The following STPG2 variants were observed in gnomAD, a reference collection of about 807,000 sequenced individuals.
STPG2 encodes sperm tail PG-rich repeat containing 2.
In STPG2, 56 loss-of-function variants were observed where a neutral mutation model predicts 54.2. That is an observed-to-expected ratio of 1.03 (90% CI 0.83 to 1.29). The LOEUF (loss-of-function observed/expected upper bound fraction) is 1.29, where lower values mean the gene tolerates loss of function less well. Among genes scored for constraint, STPG2 ranks in the 50% most tolerant of loss-of-function variants. The pLI is 0.00. For synonymous variants in STPG2, 200 were observed against 181.8 expected (o/e 1.10, Z -0.81); for missense variants, 596 against 544.9 (o/e 1.09, Z -0.93).
intron 10 of STPG2, among the ~76,000 whole-genome samples, chr4:97,566,168 C>T (rs1732433088): frequency 2.0e-5 from 3 of 152,156 alleles, no homozygotes; most frequent in African/African-American, 4.8e-5. Context: ...GCCTCGCTGC[C>T]ACCTTGCAGT....
At chr4:97,487,998 G>A (rs1203335997) in intron 4 of STPG2, among the ~76,000 whole-genome samples, 1 of 151,280 alleles carries the variant, frequency 6.6e-6, no homozygotes, top group Non-Finnish European at 1.5e-5. Flanking sequence ...TATCAAAATT[G>A]CCATTTAGAA....
intron 8 of STPG2, among the ~76,000 whole-genome samples, chr4:97,923,291 C>T (rs1161539029): frequency 6.6e-5 from 9 of 135,914 alleles, no homozygotes; most frequent in African/African-American, 2.0e-4. Flanking sequence ...GTGCGCAGCG[C>T]TTCCCCTCCC....
At chr4:98,033,382 C>A (rs569642968) in intron 5 of STPG2, among the ~76,000 whole-genome samples, 2 of 151,550 alleles carry the variant, frequency 1.3e-5, no homozygotes, top group East Asian at 3.9e-4. Context: ...CGGACACATA[C>A]AACCCCCAAG....
At chr4:97,825,938 G>A (rs1728245698) in intron 9 of STPG2, among the ~76,000 whole-genome samples, 2 of 152,148 alleles carry the variant, frequency 1.3e-5, no homozygotes, top group African/African-American at 2.4e-5. Flanking sequence ...GTATTAGTTT[G>A]CTAAATGCTT....
intron 4 of STPG2, among the ~76,000 whole-genome samples, chr4:97,471,612 T>G (rs1232598136): frequency 6.6e-6 from 1 of 152,248 alleles, no homozygotes; most frequent in East Asian, 1.9e-4. Flanking sequence ...GGGGAGGAAC[T>G]AAATAGAAGT....
intron 7 of STPG2, among the ~76,000 whole-genome samples, chr4:97,969,090 T>A (rs1047905070): frequency 5.9e-5 from 9 of 152,372 alleles, no homozygotes; most frequent in Middle Eastern, 3.4e-3. Flanking sequence ...ACGGCTCTTC[T>A]AGGTCTTTTT....
intron 8 of STPG2, among the ~76,000 whole-genome samples, chr4:97,890,700 C>G (rs1730736036): frequency 1.3e-5 from 2 of 151,660 alleles, no homozygotes; most frequent in South Asian, 2.1e-4. Context: ...GTTCCACAAA[C>G]AAAGAAAGGT....
At chr4:97,828,991 C>G (rs1728352182) in intron 9 of STPG2, among the ~76,000 whole-genome samples, 1 of 152,174 alleles carries the variant, frequency 6.6e-6, no homozygotes, top group African/African-American at 2.4e-5. Flanking sequence ...CTGAGAGCAG[C>G]AGATCTCGAA....
At chr4:97,443,535 G>C (rs1729142492) in intron 4 of STPG2, among the ~76,000 whole-genome samples, 1 of 152,222 alleles carries the variant, frequency 6.6e-6, no homozygotes, top group South Asian at 2.1e-4. Flanking sequence ...GATTGGAGAA[G>C]GGACTCTAGT....
intron 4 of STPG2, among the ~76,000 whole-genome samples, chr4:97,474,151 A>T (rs994665712): frequency 2.0e-5 from 3 of 151,998 alleles, no homozygotes; most frequent in African/African-American, 7.2e-5. Flanking sequence ...ATGGTCTAGG[A>T]TGTTGATTGA....
intron 8 of STPG2, among the ~76,000 whole-genome samples, chr4:97,850,176 AAATC>A (rs1399341734): frequency 1.3e-5 from 2 of 148,642 alleles, no homozygotes; most frequent in Non-Finnish European, 3.0e-5. Context: ...CAAGAACAAA[AAATC>A]AAACACCGCG....
intron 8 of STPG2, among the ~76,000 whole-genome samples, chr4:97,924,152 C>T (rs573414218): frequency 6.6e-6 from 1 of 152,304 alleles, no homozygotes; most frequent in Non-Finnish European, 1.5e-5. Flanking sequence ...ACCACGAACC[C>T]ACCAGAAGGA....
chr4:97,876,901 TA>T (rs1164344255), intron 8 of STPG2, among the ~76,000 whole-genome samples: 24 of 152,108 alleles, frequency 1.6e-4, no homozygotes, highest in Admixed American at 1.6e-3. Context: ...AGCAGAATTT[TA>T]AAATATAGGT....
chr4:97,867,157 T>C (rs754517770), intron 8 of STPG2, among the ~76,000 whole-genome samples: 11 of 152,022 alleles, frequency 7.2e-5, no homozygotes, highest in Non-Finnish European at 1.6e-4. Flanking sequence ...ATAAACTTTC[T>C]GTTTAAGCCT....
intron 3 of STPG2, among the ~76,000 whole-genome samples, chr4:98,112,922 T>C (rs540119367): frequency 6.1e-4 from 92 of 151,938 alleles, no homozygotes; most frequent in Non-Finnish European, 1.0e-3. Context: ...TGCTAAATAC[T>C]GGGGATTTTC....
intron 8 of STPG2, among the ~76,000 whole-genome samples, chr4:97,852,137 AT>A (rs1489382393): frequency 1.3e-5 from 2 of 152,188 alleles, no homozygotes; most frequent in Non-Finnish European, 2.9e-5. Flanking sequence ...CTTGAAGTAA[AT>A]TTTGAACATG....
intron 5 of STPG2, among the ~76,000 whole-genome samples, chr4:98,086,745 C>T (rs1204282689): frequency 6.7e-6 from 1 of 150,208 alleles, no homozygotes; most frequent in African/African-American, 2.5e-5. Context: ...GATGATATTG[C>T]CACTGGTTTT....
intron 4 of STPG2, among the ~76,000 whole-genome samples, chr4:97,540,032 C>T (rs528057582): frequency 1.9e-4 from 29 of 152,236 alleles, no homozygotes; most frequent in Non-Finnish European, 1.2e-4. Context: ...TGGCAAAGAA[C>T]TAAAATTGAC....
At chr4:97,760,581 T>A (rs767263816) in intron 9 of STPG2, among the ~76,000 whole-genome samples, 1 of 152,140 alleles carries the variant, frequency 6.6e-6, no homozygotes, top group Non-Finnish European at 1.5e-5. Context: ...CTGTGGTTAA[T>A]AAGTTAGAAA....
Sources: allele counts gnomAD v4.1 joint callset (sites outside exome capture counted in the v4.1 genomes callset), GRCh38; gene constraint gnomAD v4.1.1; transcripts MANE v1.5; gene names NCBI Gene and HGNC (gene_info 2026-07-23, HGNC 2026-07-21).